ECE1: variants seen among roughly 807,000 people sequenced by gnomAD.
ECE1 encodes endothelin converting enzyme 1.
ECE1 carries 35 observed loss-of-function variants against 98.6 expected under a neutral mutation model. The observed-to-expected ratio is 0.35, with a 90% CI of 0.27 to 0.47. The LOEUF (loss-of-function observed/expected upper bound fraction) is 0.47. Among genes scored for constraint, ECE1 ranks in the 20% least tolerant of loss-of-function variants. ECE1 has a pLI of 1.00. For synonymous variants in ECE1, 394 were observed against 407.1 expected (o/e 0.97, Z 0.39); for missense variants, 814 against 1,025.3 (o/e 0.79, Z 2.81).
chr1:21,335,508 C>T (rs1043925496), intron 1 of ECE1, among the ~76,000 whole-genome samples: 2 of 152,202 alleles, frequency 1.3e-5, no homozygotes, highest in South Asian at 2.1e-4. Flanking sequence ...GATTGAGCCG[C>T]CCAAAGTCCC....
rs564162534 is a variant in ECE1, at chr1:21,263,114, G to A, written c.494-2722C>T. ...CCGGGGAAGCTTCGTTTGAGCTTCG[G>A]GCTGAAGGATGAACTCAATGTGGAG... On this transcript the variant is annotated intron_variant, in intron 4 of 18. Coordinates refer to ENST00000374893, the MANE Select transcript of ECE1 (RefSeq NM_001397.3). Among the ~76,000 whole-genome samples the A allele has an allele frequency of 3.3e-5, 5 of 152,286 alleles. No homozygotes were observed. The South Asian group carries it at 1.0e-3, about 32-fold the overall frequency.
chr1:21,286,422 C>A (rs2098260619), intron 2 of ECE1, among the ~76,000 whole-genome samples: 1 of 152,202 alleles, frequency 6.6e-6, no homozygotes, highest in South Asian at 2.1e-4. Flanking sequence ...CATACTGTCC[C>A]ACTGAGCCTT....
Position 21,220,145 on chromosome 1 carries a change from A to G in ECE1, c.2137-14T>C, listed in dbSNP as rs755272614. Reference sequence around the variant, plus strand: ...GGAGCACCAGACCTTTGAAGGGGCAACAGGGAGAGGCCAGGGTCACTGTGG... The same window carrying G: ...GGAGCACCAGACCTTTGAAGGGGCAGCAGGGAGAGGCCAGGGTCACTGTGG... On this transcript the variant is annotated splice_polypyrimidine_tract_variant and intron_variant, in intron 18 of 18. Transcript: ENST00000374893. This position sits in a 1 kb window ranked among gnomAD's most constrained non-coding sequence, Gnocchi z 5.0. 2 of 1,604,892 alleles carry G rather than the reference A, an allele frequency of 1.2e-6. No individual in the cohort carries two copies. The highest frequency in any genetic ancestry group is 4.5e-5 in the East Asian group (2 of 44,728).
At position 21,290,246 on chromosome 1, in the gene ECE1, C is replaced by CCG; in HGVS notation, c.52-92_52-91dup. The CCG allele has an allele frequency of 7.3e-7, 1 of 1,374,548 alleles. No homozygotes were observed. Among genetic ancestry groups the CCG allele is most frequent in the South Asian group, 1.6e-5 (1 of 60,890 alleles). 85.1% of individuals were successfully genotyped at this position (1,374,548 alleles called of 1,614,324 possible). On this transcript the variant is annotated intron_variant, in intron 1 of 18. Transcript: ENST00000374893. The surrounding 1 kb of genome is among the most constrained non-coding windows in gnomAD (Gnocchi z 7.3). ...AGCGGCCCCGACCCTGGCGCCGCCG[C>CCG]CGCCGCGCCCCGCCCCGGCCTGGAC... is the stretch of plus-strand genomic sequence containing the variant.
In ECE1 at chr1:21,340,195, C is replaced by T. The variant is rs1394098014; in HGVS notation, c.3+5181G>A. Among the ~76,000 whole-genome samples the T allele has an allele frequency of 6.6e-6, 1 of 152,218 alleles. No individual in the cohort carries two copies. The highest frequency in any genetic ancestry group is 2.4e-5 in the African/African-American group (1 of 41,448). ...TTTCAGAGCGATCTGGGAACTTGTT[C>T]TTTCTCCTCTATTAAAGGCTCTGGA... On this transcript the variant is annotated intron_variant, in intron 1 of 18. Coordinates refer to the ECE1 transcript ENST00000415912. This position sits in a 1 kb window ranked among gnomAD's most constrained non-coding sequence, Gnocchi z 4.6.
At chr1:21,224,180 G>C (rs2098170890) in intron 17 of ECE1, among the ~76,000 whole-genome samples, 1 of 152,036 alleles carries the variant, frequency 6.6e-6, no homozygotes, top group South Asian at 2.1e-4. Context: ...TCATCATTTA[G>C]GTCTCTATGC....
chr1:21,249,259 C>T (rs1302287355), intron 8 of ECE1, among the ~76,000 whole-genome samples: 1 of 151,570 alleles, frequency 6.6e-6, no homozygotes, highest in Non-Finnish European at 1.5e-5. Context: ...AGGAGAATCG[C>T]TTGAACCAGG....
intron 17 of ECE1, 70 bp from the exon 18 acceptor site, chr1:21,221,912 G>C: frequency 7.4e-7 from 1 of 1,359,894 alleles, no homozygotes; most frequent in Non-Finnish European, 1.1e-6. Flanking sequence ...TGGTATGGAG[G>C]TCTCAGGGAG....
At position 21,227,982 on chromosome 1, in the gene ECE1, A is replaced by G. The variant is rs370486935; in HGVS notation, c.1730T>C (p.Val577Ala). ...AYYSPTKNEI[V>A]FPAGILQAPF... Reference sequence around the variant, plus strand: ...TGCCTGCAGGATCCCGGCCGGAAACACAATCTCATTCTTGGTGGGCGAGTA... The same window carrying G: ...TGCCTGCAGGATCCCGGCCGGAAACGCAATCTCATTCTTGGTGGGCGAGTA... Residue 577 changes from valine (V) to alanine (A), a missense_variant, in exon 15 of 19, where the codon GTG (valine) becomes GCG (alanine). This residue lies in a region of ECE1 where 452 missense variants were observed against 567.3 expected (regional missense o/e 0.80). Coordinates refer to ENST00000374893, the MANE Select transcript of ECE1 (RefSeq NM_001397.3). 4 of 1,563,098 alleles carry G rather than the reference A, an allele frequency of 2.6e-6. No homozygotes were observed. The African/African-American group carries it at 5.5e-5, about 21-fold the overall frequency.
chr1:21,225,382 C>G lies in ECE1; in HGVS notation c.1908G>C (p.Glu636Asp). 1 of 1,614,260 alleles carries G rather than the reference C, an allele frequency of 6.2e-7. No individual in the cohort carries two copies. Among genetic ancestry groups the G allele is most frequent in the Non-Finnish European group, 8.5e-7 (1 of 1,180,052 alleles). Residue 636 changes from glutamate to aspartate, a missense_variant, in exon 17 of 19, where the codon GAG (glutamate) becomes GAC (aspartate). This residue lies in a region of ECE1 where 452 missense variants were observed against 567.3 expected (regional missense o/e 0.80). Transcript: ENST00000374893. The surrounding 1 kb of genome is among the most constrained non-coding windows in gnomAD (Gnocchi z 5.3). The stretch of plus-strand genomic sequence containing the variant: ...TGCACTCGGTCTGACGCTTGAAGGC[C>G]TCCACGGATGAGTTCTTCCACCATG... ...LRPWWKNSSV[E>D]AFKRQTECMV... is the part of the protein sequence containing the mutation.
At chr1:21,232,150 CA>C (rs2098182549) in intron 14 of ECE1, among the ~76,000 whole-genome samples, 1 of 152,106 alleles carries the variant, frequency 6.6e-6, no homozygotes, top group African/African-American at 2.4e-5. Context: ...TATAGTCCAC[CA>C]GGGGGCACCA....
intron 1 of ECE1, among the ~76,000 whole-genome samples, chr1:21,332,867 G>A (rs1639231885): frequency 6.6e-6 from 1 of 151,660 alleles, no homozygotes; most frequent in Admixed American, 6.6e-5. Flanking sequence ...GGATGGTGAA[G>A]TAAGTTTCTA....
intron 2 of ECE1, among the ~76,000 whole-genome samples, chr1:21,285,821 A>G (rs2098259945): frequency 6.6e-6 from 1 of 152,018 alleles, no homozygotes; most frequent in Non-Finnish European, 1.5e-5. Context: ...GTAAAACTCC[A>G]TCTCTACTAA....
At chr1:21,256,359 C>A (rs570710754) in intron 7 of ECE1, among the ~76,000 whole-genome samples, 1 of 152,226 alleles carries the variant, frequency 6.6e-6, no homozygotes, top group Admixed American at 6.5e-5. Flanking sequence ...AGTTTGAGAC[C>A]AACCTGGCCA....
At chr1:21,243,007 C>T (rs1402803918) in intron 10 of ECE1, among the ~76,000 whole-genome samples, 7 of 152,210 alleles carry the variant, frequency 4.6e-5, no homozygotes, top group African/African-American at 9.6e-5. Flanking sequence ...TTCCTCATCC[C>T]TCTTCCTCCA....
rs144276690 is a variant in ECE1, at chr1:21,265,926, G to T, written c.494-5534C>A. Among the ~76,000 whole-genome samples the T allele has an allele frequency of 9.7e-4, 148 of 152,118 alleles. 1 individual carries two copies. The highest frequency in any genetic ancestry group is 3.4e-3 in the African/African-American group (142 of 41,490). On this transcript the variant is annotated intron_variant, in intron 4 of 18. Coordinates refer to ENST00000374893, the MANE Select transcript of ECE1 (RefSeq NM_001397.3). ...TATGAAGATCTTTTGGCAGCCTAGG[G>T]CCACACAACAGAGCTCCACACTGCC...
rs1369531218 is a variant in ECE1 at position 21,290,065 on chromosome 1, C to T, written c.138+5G>A. 4.1e-6 allele frequency: 6 copies of T among 1,468,878 alleles called. No homozygotes were observed. The highest frequency in any genetic ancestry group is 4.5e-6 in the Non-Finnish European group (5 of 1,101,420). 91.0% of individuals were successfully genotyped at this position (1,468,878 alleles called of 1,614,324 possible). A position where few individuals can be genotyped will look rare whatever the true frequency, so the allele number is the denominator to read the frequency against. Reference sequence around the variant, plus strand: ...GGACCTCGGGAGGGAGCGGAGGGCGCCTACCTGCAGGCCGTTGGGGTATGC... The same window carrying T: ...GGACCTCGGGAGGGAGCGGAGGGCGTCTACCTGCAGGCCGTTGGGGTATGC... On this transcript the variant is annotated splice_donor_5th_base_variant and intron_variant, in intron 2 of 18. Transcript: ENST00000374893. This position sits in a 1 kb window ranked among gnomAD's most constrained non-coding sequence, Gnocchi z 7.3.
intron 1 of ECE1, among the ~76,000 whole-genome samples, chr1:21,337,734 GC>G (rs1181574806): frequency 6.6e-6 from 1 of 152,110 alleles, no homozygotes; most frequent in East Asian, 1.9e-4. Flanking sequence ...GCAAAATACT[GC>G]CCCAGGAGCT....
At chr1:21,301,814 A>T (rs1638489441) in intron 1 of ECE1, among the ~76,000 whole-genome samples, 2 of 124,674 alleles carry the variant, frequency 1.6e-5, no homozygotes, top group African/African-American at 6.3e-5. Context: ...TGACAGAGTG[A>T]GACCCTGTCT....
Sources: allele counts gnomAD v4.1 joint callset (sites outside exome capture counted in the v4.1 genomes callset), GRCh38; gene constraint gnomAD v4.1.1; regional missense constraint gnomAD v4.1.1; non-coding constraint Gnocchi (gnomAD v3.1); transcripts MANE v1.5; gene names NCBI Gene and HGNC (gene_info 2026-07-23, HGNC 2026-07-21).